The following KATNAL2 variants were observed in gnomAD, a reference collection of about 807,000 sequenced individuals.
The protein encoded by KATNAL2 is katanin p60 ATPase-containing subunit A-like 2.
KATNAL2 carries 52 observed loss-of-function variants against 76.3 expected under a neutral mutation model. The observed-to-expected ratio is 0.68, with a 90% CI of 0.55 to 0.86. The LOEUF (loss-of-function observed/expected upper bound fraction) is 0.86, where lower values mean the gene tolerates loss of function less well. Ranked by LOEUF, KATNAL2 falls within the 40% of genes least tolerant of loss-of-function variation. The pLI, the probability that KATNAL2 is intolerant of heterozygous loss-of-function variation, is 0.00. For missense variants in KATNAL2, 660 were observed against 668.9 expected (o/e 0.99, Z 0.15); for synonymous variants, 243 against 244.2 (o/e 1.00, Z 0.05).
At position 46,917,656 on chromosome 18, in the gene KATNAL2, C is replaced by G. The variant is rs1398807295; in HGVS notation, c.-780C>G. 2.9e-6 allele frequency: 2 copies of G among 701,494 alleles called. No homozygotes were observed. The highest frequency in any genetic ancestry group is 3.9e-5 in the African/African-American group (2 of 51,630). 43.5% of individuals were successfully genotyped at this position (701,494 alleles called of 1,614,324 possible). A position where few individuals can be genotyped will look rare whatever the true frequency, so the allele number is the denominator to read the frequency against. ...CCTGCCCCGGCGTGCTGCCCCGCGG[C>G]TTGGCCCCGCTCGGCCCCAGGTCGT... On this transcript the variant is annotated 5_prime_UTR_variant, in exon 1 of 18. Coordinates refer to ENST00000683218, the MANE Select transcript of KATNAL2 (RefSeq NM_001387690.1).
intron 15 of KATNAL2, among the ~76,000 whole-genome samples, chr18:47,092,220 C>T (rs530562427): frequency 1.3e-5 from 2 of 152,246 alleles, no homozygotes; most frequent in Admixed American, 6.5e-5. Context: ...ATCTCCCGGC[C>T]GAGTGCAGTG....
chr18:47,074,140 T>C (rs2062104958), intron 13 of KATNAL2, among the ~76,000 whole-genome samples: 1 of 152,252 alleles, frequency 6.6e-6, no homozygotes, highest in Admixed American at 6.5e-5. Flanking sequence ...CCATTGTATC[T>C]GAAAGGCATT....
intron 11 of KATNAL2, among the ~76,000 whole-genome samples, 179 bp from the exon 12 acceptor site, chr18:47,069,041 A>T (rs1350598441): frequency 6.6e-6 from 1 of 152,200 alleles, no homozygotes; most frequent in African/African-American, 2.4e-5. Context: ...GTGAAAATAA[A>T]ATTGGGATGA....
At position 47,054,311 on chromosome 18, in the gene KATNAL2, C is replaced by CA. The variant is rs2061413532; in HGVS notation, c.290-80dup. ...TAAAACTCAAATTTTAAGAACAATGCAAAAAGGGGAAACATACCTGAAAAA... is the reference window on the plus strand; with the variant it reads ...TAAAACTCAAATTTTAAGAACAATGCAAAAAAGGGGAAACATACCTGAAAAA... On this transcript the variant is annotated intron_variant, in intron 5 of 17. Transcript: ENST00000683218. The CA allele has an allele frequency of 3.3e-6, 4 of 1,210,018 alleles. No individual in the cohort carries two copies. The Admixed American group carries it at 7.1e-5, about 21-fold the overall frequency. 75.0% of individuals were successfully genotyped at this position (1,210,018 alleles called of 1,614,324 possible).
intron 15 of KATNAL2, among the ~76,000 whole-genome samples, chr18:47,090,893 T>C (rs996066407): frequency 2.0e-5 from 3 of 152,180 alleles, no homozygotes; most frequent in African/African-American, 4.8e-5. Flanking sequence ...TGCTTAATCA[T>C]TGGCTCCCTA....
intron 1 of KATNAL2, among the ~76,000 whole-genome samples, chr18:46,925,773 G>T (rs879525442): frequency 3.9e-5 from 6 of 152,136 alleles, no homozygotes; most frequent in Non-Finnish European, 7.3e-5. Flanking sequence ...CCTGTTATTG[G>T]TCTATTCAGA....
intron 15 of KATNAL2, among the ~76,000 whole-genome samples, chr18:47,080,778 GAC>G (rs538516770): frequency 3.0e-4 from 46 of 152,290 alleles, no homozygotes; most frequent in Non-Finnish European, 5.6e-4. Flanking sequence ...ATTTCTCTGA[GAC>G]AAACGATATT....
intron 15 of KATNAL2, chr18:47,098,223 A>C (rs1165667176): frequency 8.8e-6 from 3 of 339,692 alleles, no homozygotes; most frequent in South Asian, 7.2e-5. Flanking sequence ...CTCCGTCTCA[A>C]AAAAAAAAAA....
chr18:46,923,674 A>G (rs990183321), intron 1 of KATNAL2, among the ~76,000 whole-genome samples: 1 of 152,214 alleles, frequency 6.6e-6, no homozygotes, highest in African/African-American at 2.4e-5. Context: ...TGGTTGAACT[A>G]GTTTACAGTC....
chr18:47,046,231 C>T (rs2061153132), intron 3 of KATNAL2, among the ~76,000 whole-genome samples: 1 of 152,146 alleles, frequency 6.6e-6, no homozygotes, highest in African/African-American at 2.4e-5. Flanking sequence ...AAAGAGCAAT[C>T]CTAATTAAAA....
chr18:46,934,179 G>A (rs2059020896), intron 1 of KATNAL2, among the ~76,000 whole-genome samples: 1 of 152,040 alleles, frequency 6.6e-6, no homozygotes, highest in Non-Finnish European at 1.5e-5. Context: ...GGGATGGCTG[G>A]GTCAAATGGT....
chr18:46,928,209 T>C (rs2058791656), intron 1 of KATNAL2, among the ~76,000 whole-genome samples: 1 of 152,170 alleles, frequency 6.6e-6, no homozygotes, highest in Non-Finnish European at 1.5e-5. Flanking sequence ...TTCCCATCTT[T>C]GTGGTTTTAT....
intron 8 of KATNAL2, among the ~76,000 whole-genome samples, chr18:47,061,329 G>A (rs549009705): frequency 3.9e-4 from 59 of 152,314 alleles, no homozygotes; most frequent in African/African-American, 1.3e-3. Flanking sequence ...GGAAGGCAAG[G>A]GGACCTGGCA....
At chr18:47,041,617 G>T (rs760576390) in intron 3 of KATNAL2, among the ~76,000 whole-genome samples, 1 of 151,998 alleles carries the variant, frequency 6.6e-6, no homozygotes, top group Non-Finnish European at 1.5e-5. Context: ...ACGACATCTT[G>T]GTTGTTTCTA....
At chr18:46,952,921 G>A (rs1025396142) in intron 3 of KATNAL2, among the ~76,000 whole-genome samples, 5 of 116,398 alleles carry the variant, frequency 4.3e-5, no homozygotes, top group Admixed American at 2.2e-4. Context: ...TTGAGGCGGA[G>A]TCTCGCTCTG....
chr18:47,044,112 T>C (rs2061068189), intron 3 of KATNAL2, among the ~76,000 whole-genome samples: 1 of 152,130 alleles, frequency 6.6e-6, no homozygotes, highest in Non-Finnish European at 1.5e-5. Context: ...AGGGCAAGGG[T>C]GTCCAAACTT....
rs1394738857 is a variant in KATNAL2, at chr18:47,069,269, T to G, written c.875T>G (p.Leu292Arg). Residue 292 changes from leucine to arginine, a missense_variant, in exon 12 of 18, where the codon CTG (leucine) becomes CGG (arginine). Physicochemically the swap from Leu to Arg is moderately radical, Grantham distance 102. Coordinates refer to ENST00000683218, the MANE Select transcript of KATNAL2 (RefSeq NM_001387690.1). ...CTTTCTCCCTGGAAAGGACTACTGCTGTACGGCCCTCCAGGTAAACACAGC... is the reference window on the plus strand; with the variant it reads ...CTTTCTCCCTGGAAAGGACTACTGCGGTACGGCCCTCCAGGTAAACACAGC... ...GILSPWKGLLLYGPPGTGKTL... is the reference protein window; with the variant it reads ...GILSPWKGLLRYGPPGTGKTL... The G allele has an allele frequency of 6.2e-7, 1 of 1,610,374 alleles. No individual in the cohort carries two copies. The highest frequency in any genetic ancestry group is 8.5e-7 in the Non-Finnish European group (1 of 1,178,282).
At chr18:47,042,213 T>G (rs1370475270) in intron 3 of KATNAL2, among the ~76,000 whole-genome samples, 4 of 152,232 alleles carry the variant, frequency 2.6e-5, no homozygotes, top group Non-Finnish European at 5.9e-5. Context: ...CTCTTTTTCT[T>G]TTGAACTTCT....
At chr18:46,948,888 TTGTGTGTG>T (rs71264810) in intron 3 of KATNAL2, among the ~76,000 whole-genome samples, 1 of 145,794 alleles carries the variant, frequency 6.9e-6, no homozygotes, top group East Asian at 2.1e-4. Flanking sequence ...AGTATCTGCA[TTGTGTGTG>T]TGTGTGTGTG....
Sources: gnomAD v4.1 joint callset for allele counts (sites outside exome capture counted in the v4.1 genomes callset) on GRCh38, gnomAD v4.1.1 for gene constraint, MANE v1.5 for transcripts, NCBI Gene and HGNC (gene_info 2026-07-23, HGNC 2026-07-21) for gene names.